The following ANKRD30A variants were observed in gnomAD, a reference collection of about 807,000 sequenced individuals.
ANKRD30A encodes the protein ankyrin repeat domain 30A.
In ANKRD30A, 170 loss-of-function variants were observed where a neutral mutation model predicts 166.3. The observed-to-expected ratio is 1.02, with a 90% CI of 0.90 to 1.16. ANKRD30A has a LOEUF of 1.16. Among genes scored for constraint, ANKRD30A ranks in the 50% most tolerant of loss-of-function variants. The probability of loss-of-function intolerance (pLI) is 0.00; values close to 1 mark genes in which losing one functional copy is unlikely to be tolerated. For synonymous variants in ANKRD30A, 564 were observed against 508.9 expected (o/e 1.11, Z -1.46); for missense variants, 1,630 against 1,518.0 (o/e 1.07, Z -1.23).
chr10:37,210,891 A>C (rs1053347321), intron 31 of ANKRD30A, among the ~76,000 whole-genome samples: 9 of 152,142 alleles, frequency 5.9e-5, no homozygotes, highest in African/African-American at 2.2e-4. Flanking sequence ...GATAGATTGC[A>C]AAAATTTTCT....
intron 31 of ANKRD30A, among the ~76,000 whole-genome samples, chr10:37,203,336 C>A (rs1841777179): frequency 6.6e-6 from 1 of 151,706 alleles, no homozygotes; most frequent in Admixed American, 6.6e-5. Flanking sequence ...TCAAGATATG[C>A]AAATCAATAA....
chr10:37,219,012 C>T lies in ANKRD30A; in HGVS notation c.3300C>T (p.Leu1100=), dbSNP rs752174138. ...ACACTCATGAAAATGAAAATTATCT[C>T]TTACATGAAAATTGCATGTTGAAAA... ...VSHTHENENY[L]LHENCMLKKE... Residue 1100 remains leucine, a synonymous_variant, in exon 34 of 36, where the codon CTC becomes CTT. Transcript: ENST00000361713. 7 of 1,591,496 alleles carry T rather than the reference C, an allele frequency of 4.4e-6. No individual in the cohort carries two copies. Among genetic ancestry groups the T allele is most frequent in the African/African-American group, 1.4e-5 (1 of 73,104 alleles).
chr10:37,198,883 C>T (rs1419060799), intron 29 of ANKRD30A, among the ~76,000 whole-genome samples: 2 of 152,110 alleles, frequency 1.3e-5, no homozygotes, highest in African/African-American at 4.8e-5. Context: ...GTAATTTGTA[C>T]TTTGTGCTGA....
chr10:37,159,018 A>G (rs1032026204), intron 15 of ANKRD30A, among the ~76,000 whole-genome samples: 1 of 151,882 alleles, frequency 6.6e-6, no homozygotes, highest in African/African-American at 2.4e-5. Flanking sequence ...TTTTTTTTTG[A>G]TTAGCTGACT....
At chr10:37,208,400 CAG>C (rs1463704954) in intron 31 of ANKRD30A, among the ~76,000 whole-genome samples, 3 of 152,118 alleles carry the variant, frequency 2.0e-5, no homozygotes, top group Non-Finnish European at 4.4e-5. Context: ...CCTGAGGTAA[CAG>C]AGAGTTCCTA....
At chr10:37,197,864 C>T (rs192707294) in intron 29 of ANKRD30A, among the ~76,000 whole-genome samples, 40 of 152,082 alleles carry the variant, frequency 2.6e-4, no homozygotes, top group Admixed American at 1.0e-3. Flanking sequence ...ATATAACACT[C>T]GTGTTTTAAC....
intron 31 of ANKRD30A, among the ~76,000 whole-genome samples, chr10:37,204,731 C>G (rs1564567026): frequency 6.6e-6 from 1 of 152,048 alleles, no homozygotes; most frequent in Non-Finnish European, 1.5e-5. Context: ...TATCCAGAAT[C>G]TACAAAAACT....
chr10:37,160,803 C>G (rs1838789494), intron 15 of ANKRD30A, among the ~76,000 whole-genome samples: 1 of 152,112 alleles, frequency 6.6e-6, no homozygotes, highest in Non-Finnish European at 1.5e-5. Flanking sequence ...TGTGAAAATT[C>G]TCCACGGCTT....
intron 31 of ANKRD30A, among the ~76,000 whole-genome samples, chr10:37,207,125 T>C (rs1842039837): frequency 6.6e-6 from 1 of 152,154 alleles, no homozygotes; most frequent in Non-Finnish European, 1.5e-5. Flanking sequence ...TTACACCATG[T>C]GTATGGAAAA....
rs1349754818 is a variant in ANKRD30A, at chr10:37,136,634, A to G, written c.783A>G (p.Ile261Met). ...TTCATGAACAAATTATGGAATATATACGAAAATTATCTAAAAATCATCAAA... is the reference window on the plus strand; with the variant it reads ...TTCATGAACAAATTATGGAATATATGCGAAAATTATCTAAAAATCATCAAA... ...HHIHEQIMEY[I>M]RKLSKNHQNT... The change falls in exon 6 of 36, where the codon ATA (isoleucine) becomes ATG (methionine). Residue 261 changes from isoleucine (I) to methionine (M), a missense_variant. Physicochemically the swap from Ile to Met is conservative, Grantham distance 10. Around this residue, in one of 4 missense-constraint regions of ANKRD30A, gnomAD observed 904 missense variants for 818.5 expected, o/e 1.10. Coordinates refer to ENST00000361713, the MANE Select transcript of ANKRD30A (RefSeq NM_052997.3). The G allele has an allele frequency of 2.8e-6, 4 of 1,415,880 alleles. No homozygotes were observed. Among genetic ancestry groups the G allele is most frequent in the South Asian group, 1.3e-5 (1 of 78,862 alleles). 87.7% of individuals were successfully genotyped at this position (1,415,880 alleles called of 1,614,324 possible). A position where few individuals can be genotyped will look rare whatever the true frequency, so the allele number is the denominator to read the frequency against.
chr10:37,226,767 C>T (rs754541804), intron 34 of ANKRD30A, among the ~76,000 whole-genome samples: 7 of 151,714 alleles, frequency 4.6e-5, no homozygotes, highest in Non-Finnish European at 8.8e-5. Context: ...GAGGAAATGC[C>T]AGTACATTTT....
chr10:37,217,968 C>A, intron 33 of ANKRD30A, 90 bp downstream of exon 33: 8 of 961,840 alleles, frequency 8.3e-6, no homozygotes, highest in Non-Finnish European at 1.2e-5. Context: ...ATGTATTATT[C>A]AGGTCTAAAT....
chr10:37,191,606 T>C (rs1164606068), intron 25 of ANKRD30A, among the ~76,000 whole-genome samples: 2 of 152,156 alleles, frequency 1.3e-5, no homozygotes, highest in East Asian at 3.9e-4. Flanking sequence ...ATTAACACTT[T>C]TTGCAAAAAT....
intron 31 of ANKRD30A, among the ~76,000 whole-genome samples, chr10:37,208,620 G>T (rs1842116132): frequency 6.6e-6 from 1 of 152,114 alleles, no homozygotes; most frequent in Non-Finnish European, 1.5e-5. Flanking sequence ...CACCTGCCCA[G>T]TATGCTGCCA....
chr10:37,226,050 A>G (rs1843133828), intron 34 of ANKRD30A, among the ~76,000 whole-genome samples: 1 of 151,714 alleles, frequency 6.6e-6, no homozygotes, highest in Non-Finnish European at 1.5e-5. Context: ...AAATCACAGT[A>G]CATGGCCTTT....
chr10:37,240,838 A>T, the ANKRD30A span: 12 of 152,206 alleles, frequency 7.9e-5, no homozygotes, highest in African/African-American at 2.9e-4. Flanking sequence ...TGTGAAAATT[A>T]CCTGTTTGTT....
At chr10:37,161,161 G>C (rs561789965) in intron 15 of ANKRD30A, among the ~76,000 whole-genome samples, 98 of 152,318 alleles carry the variant, frequency 6.4e-4, no homozygotes, top group Non-Finnish European at 1.3e-3. Flanking sequence ...GCTGATGCTG[G>C]TGGTCCTTGG....
At chr10:37,250,812 AAATT>A in the ANKRD30A span, among the ~76,000 whole-genome samples, 9,063 of 152,282 alleles carry the variant, frequency 0.06, 384 homozygotes, top group Middle Eastern at 0.11. Flanking sequence ...GATCTTTAAG[AAATT>A]AATTCACATT....
At chr10:37,167,785 C>G (rs1839478823) in intron 19 of ANKRD30A, among the ~76,000 whole-genome samples, 2 of 149,824 alleles carry the variant, frequency 1.3e-5, no homozygotes. Flanking sequence ...AAGTATATAT[C>G]CAAGCTGATC....
Sources: allele counts gnomAD v4.1 joint callset (sites outside exome capture counted in the v4.1 genomes callset), GRCh38; gene constraint gnomAD v4.1.1; regional missense constraint gnomAD v4.1.1; transcripts MANE v1.5; gene names NCBI Gene and HGNC (gene_info 2026-07-23, HGNC 2026-07-21).